The following COL5A1 variants were observed in gnomAD, a reference collection of about 807,000 sequenced individuals.
The protein encoded by COL5A1 is collagen alpha-1(V) chain.
In COL5A1, 16 loss-of-function variants were observed where a neutral mutation model predicts 263.7. The observed-to-expected ratio is 0.06, with a 90% confidence interval of 0.04 to 0.09. COL5A1 has a LOEUF of 0.09. Among genes scored for constraint, COL5A1 ranks in the 10% least tolerant of loss-of-function variants. The probability of loss-of-function intolerance (pLI) is 1.00; values close to 1 mark genes in which losing one functional copy is unlikely to be tolerated. For missense variants in COL5A1, 2,036 were observed against 2,540.5 expected (o/e 0.80, Z 4.27); for synonymous variants, 1,012 against 1,004.5 (o/e 1.01, Z -0.14).
chr9:134,803,389 C>T (rs967895257), intron 39 of COL5A1, among the ~76,000 whole-genome samples: 2 of 152,140 alleles, frequency 1.3e-5, no homozygotes, highest in Non-Finnish European at 2.9e-5. Context: ...AATCCCAGCA[C>T]TTTTGGAGGC....
chr9:134,814,865 C>T lies in COL5A1; in HGVS notation c.3975C>T (p.Pro1325=), dbSNP rs951777673. The change falls in exon 50 of 66, where the codon CCC becomes CCT. Residue 1325 remains proline (P), a synonymous_variant. Coordinates refer to ENST00000371817, the MANE Select transcript of COL5A1 (RefSeq NM_000093.5). ...CAGGTGCTGCCGGACCCCCTGGACC[C>T]AAAGGCCCTCCCGGAGATGATGGTC... The part of the protein sequence containing the change: ...GPSGAAGPPG[P]KGPPGDDGPK... The T allele has an allele frequency of 5.0e-5, 78 of 1,551,416 alleles. No individual in the cohort carries two copies. The highest frequency in any genetic ancestry group is 6.8e-5 in the Non-Finnish European group (78 of 1,147,068).
chr9:134,832,243 T>C (rs992927544), intron 64 of COL5A1, among the ~76,000 whole-genome samples: 17 of 152,120 alleles, frequency 1.1e-4, no homozygotes, highest in African/African-American at 3.1e-4. Context: ...CCATCTCTAC[T>C]AAAAATACAA....
At chr9:134,644,174 C>T (rs540843776) in intron 1 of COL5A1, among the ~76,000 whole-genome samples, 1 of 149,334 alleles carries the variant, frequency 6.7e-6, no homozygotes, top group South Asian at 2.2e-4. Flanking sequence ...CCAGAGGGGG[C>T]GGCTGTCCAC....
At chr9:134,685,670 T>C (rs1265008426) in intron 1 of COL5A1, among the ~76,000 whole-genome samples, 2 of 139,964 alleles carry the variant, frequency 1.4e-5, no homozygotes, top group African/African-American at 5.4e-5. Context: ...CCATCCACCA[T>C]CCATCCACCA....
intron 63 of COL5A1, among the ~76,000 whole-genome samples, chr9:134,828,555 CCA>C (rs534263626): frequency 6.7e-6 from 1 of 149,188 alleles, no homozygotes; most frequent in Non-Finnish European, 1.5e-5. Context: ...GAGATACGCA[CCA>C]CACACACAAT....
At chr9:134,796,944 TC>T in intron 36 of COL5A1, 43 bp downstream of exon 36, 1 of 270,254 alleles carries the variant, frequency 3.7e-6, no homozygotes, top group Non-Finnish European at 4.8e-6. Context: ...GCCTGTCCCC[TC>T]CAAAACCCAC....
chr9:134,841,925 A>G lies in COL5A1; in HGVS notation c.5371-232A>G, dbSNP rs201395795. Among the ~76,000 whole-genome samples, 7 of 152,048 alleles carry G rather than the reference A, an allele frequency of 4.6e-5. No individual in the cohort carries two copies. In the East Asian group the frequency reaches 1.4e-3, roughly 30 times the overall value. ...GTCCTGTCGCCTCGCTGATGCCCAC[A>G]CCACCCCACCTCCGACCTGTGCAGG... On this transcript the variant is annotated intron_variant, in intron 65 of 65. Coordinates refer to ENST00000371817, the MANE Select transcript of COL5A1 (RefSeq NM_000093.5). The surrounding 1 kb of genome is among the most constrained non-coding windows in gnomAD (Gnocchi z 4.8).
chr9:134,760,766 C>T lies in COL5A1; in HGVS notation c.1936-1159C>T, dbSNP rs566002740. On this transcript the variant is annotated intron_variant, in intron 18 of 65. Coordinates refer to ENST00000371817, the MANE Select transcript of COL5A1 (RefSeq NM_000093.5). ...CATGCACACACACCCCACACATACA[C>T]GAACACCACCTACACATGCACACAC... Among the ~76,000 whole-genome samples the T allele has an allele frequency of 8.3e-5, 12 of 144,354 alleles. No homozygotes were observed. The South Asian group carries it at 1.9e-3, about 22-fold the overall frequency. The allele number at this position is 144,354 out of a possible 152,430, so 94.7% of individuals were successfully genotyped here.
chr9:134,759,395 G>A (rs921134657), intron 18 of COL5A1, among the ~76,000 whole-genome samples: 34 of 111,200 alleles, frequency 3.1e-4, no homozygotes, highest in Middle Eastern at 7.0e-3. Context: ...GCACACATAC[G>A]CATACACACC....
At chr9:134,752,867 G>T (rs775124605) in intron 14 of COL5A1, among the ~76,000 whole-genome samples, 21 of 152,082 alleles carry the variant, frequency 1.4e-4, no homozygotes, top group Admixed American at 2.6e-4. Context: ...ACTGTGCCTC[G>T]AAGTCACTTG....
chr9:134,743,723 T>G (rs1378378023), intron 11 of COL5A1, among the ~76,000 whole-genome samples: 1 of 152,210 alleles, frequency 6.6e-6, no homozygotes, highest in African/African-American at 2.4e-5. Flanking sequence ...TGCCCGGCGC[T>G]GTCTTATCAG....
At position 134,794,178 on chromosome 9, in the gene COL5A1, G is replaced by A. The variant is rs773729298; in HGVS notation, c.2701-904G>A. Among the ~76,000 whole-genome samples the A allele has an allele frequency of 7.3e-4, 111 of 152,248 alleles. No individual in the cohort carries two copies. The Middle Eastern group carries it at 0.014, about 19-fold the overall frequency. On this transcript the variant is annotated intron_variant, in intron 32 of 65. Coordinates refer to ENST00000371817, the MANE Select transcript of COL5A1 (RefSeq NM_000093.5). The surrounding 1 kb of genome is among the most constrained non-coding windows in gnomAD (Gnocchi z 4.3). ...CTGTCTCTACTAAAATTAGCTGGGC[G>A]TGGTGGCACACACCTGTAGTCTGTC...
chr9:134,791,566 C>T (rs1353845836), intron 32 of COL5A1, among the ~76,000 whole-genome samples: 4 of 151,586 alleles, frequency 2.6e-5, no homozygotes, highest in East Asian at 1.9e-4. Context: ...TTGGGCTTCC[C>T]GAATGTCCAC....
At chr9:134,747,865 A>C (rs1422391568) in intron 11 of COL5A1, among the ~76,000 whole-genome samples, 1 of 151,144 alleles carries the variant, frequency 6.6e-6, no homozygotes, top group African/African-American at 2.4e-5. Flanking sequence ...ATTCATACAC[A>C]CATGCAGACA....
intron 48 of COL5A1, among the ~76,000 whole-genome samples, chr9:134,813,590 C>T (rs1028046234): frequency 1.4e-4 from 22 of 152,370 alleles, no homozygotes; most frequent in African/African-American, 5.3e-4. Flanking sequence ...ATGCCCTCTT[C>T]CCTGCGTCCC....
In COL5A1 at chr9:134,843,171, T is replaced by TTGGG. The variant is rs1830153322; in HGVS notation, c.*868_*869insTGGG. 1.3e-5 allele frequency: 2 copies of TTGGG among 149,926 alleles called. No homozygotes were observed. The highest frequency in any genetic ancestry group is 2.5e-5 in the African/African-American group (1 of 40,552). The allele number at this position is 149,926 out of a possible 1,614,324, so 9.3% of individuals were successfully genotyped here. ...CGCTCTAGACTTTTTTTTTTTTTAA[T>TTGGG]AGGGAAAAAATTTGATAATTTTCTT... On this transcript the variant is annotated 3_prime_UTR_variant, in exon 66 of 66. Coordinates refer to ENST00000371817, the MANE Select transcript of COL5A1 (RefSeq NM_000093.5).
intron 11 of COL5A1, among the ~76,000 whole-genome samples, chr9:134,739,570 C>T (rs774277274): frequency 2.6e-5 from 4 of 152,110 alleles, no homozygotes; most frequent in Admixed American, 6.5e-5. Context: ...AGGGTCTGGT[C>T]GTGTGAGAAG....
In COL5A1 at chr9:134,842,544, C is replaced by T; in HGVS notation, c.*241C>T. The T allele has an allele frequency of 1.7e-6, 1 of 601,504 alleles. No homozygotes were observed. The highest frequency in any genetic ancestry group is 2.0e-5 in the South Asian group (1 of 51,274). 37.3% of individuals were successfully genotyped at this position (601,504 alleles called of 1,614,324 possible). On this transcript the variant is annotated 3_prime_UTR_variant, in exon 66 of 66. Coordinates refer to ENST00000371817, the MANE Select transcript of COL5A1 (RefSeq NM_000093.5). The surrounding 1 kb of genome is among the most constrained non-coding windows in gnomAD (Gnocchi z 5.8). ...ACCTAGCTGCACCCCAGCGCCTGGG[C>T]CCGCCCCACGCTCTGTCCACACCCA...
intron 64 of COL5A1, among the ~76,000 whole-genome samples, chr9:134,831,020 C>T (rs1839596567): frequency 6.6e-6 from 1 of 152,210 alleles, no homozygotes. Context: ...CTTTCCCTCC[C>T]TTCTTGGGAT....
Sources: allele counts gnomAD v4.1 joint callset (sites outside exome capture counted in the v4.1 genomes callset), GRCh38; gene constraint gnomAD v4.1.1; non-coding constraint Gnocchi (gnomAD v3.1); transcripts MANE v1.5; gene names NCBI Gene and HGNC (gene_info 2026-07-23, HGNC 2026-07-21).